The following PPAN variants were observed in gnomAD, a reference collection of about 807,000 sequenced individuals.
PPAN encodes the protein peter pan homolog.
Under a neutral mutation model 48.5 loss-of-function variants are expected in PPAN, and 39 were observed. That is an observed-to-expected ratio of 0.80 (90% CI 0.62 to 1.05). The LOEUF is 1.05. PPAN is among the 50% of genes least tolerant of loss of function. The probability of loss-of-function intolerance (pLI) is 0.00; values close to 1 mark genes in which losing one functional copy is unlikely to be tolerated. For synonymous variants in PPAN, 315 were observed against 268.6 expected, an observed-to-expected ratio of 1.17 and a Z score of -1.69; for missense variants, 736 against 661.7, an observed-to-expected ratio of 1.11 and a Z score of -1.23.
chr19:10,111,329 C>G lies in PPAN; in HGVS notation c.*164C>G. 1.1e-6 allele frequency: 1 copy of G among 917,816 alleles called. No homozygotes were observed. Among genetic ancestry groups the G allele is most frequent in the Middle Eastern group, 3.4e-4 (1 of 2,928 alleles). The allele number at this position is 917,816 out of a possible 1,614,324, so 56.9% of individuals were successfully genotyped here. On this transcript the variant is annotated 3_prime_UTR_variant, in exon 12 of 12. Coordinates refer to ENST00000253107, the MANE Select transcript of PPAN (RefSeq NM_020230.7). Reference sequence around the variant, plus strand: ...ACGTCAGCGTTTGGGATGGGGGATTCTGGAGCCATACAAAGCAACCCAGAG... The same window carrying G: ...ACGTCAGCGTTTGGGATGGGGGATTGTGGAGCCATACAAAGCAACCCAGAG...
chr19:10,111,740 G>A lies in PPAN; in HGVS notation c.*575G>A, dbSNP rs754274463. On this transcript the variant is annotated 3_prime_UTR_variant, in exon 12 of 12. Coordinates refer to ENST00000253107, the MANE Select transcript of PPAN (RefSeq NM_020230.7). Reference sequence around the variant, plus strand: ...CGGGAGCATGGCAGCCAACGTCTCGGGTAAGGAGAAGGCATGTTGGCTGTC... The same window carrying A: ...CGGGAGCATGGCAGCCAACGTCTCGAGTAAGGAGAAGGCATGTTGGCTGTC... The A allele has an allele frequency of 6.2e-6, 10 of 1,613,544 alleles. No homozygotes were observed. The highest frequency in any genetic ancestry group is 8.5e-6 in the Non-Finnish European group (10 of 1,179,816).
At chr19:10,106,865 A>T (rs2088849509) in intron 2 of PPAN, 194 bp downstream of exon 2, 5 of 906,352 alleles carry the variant, frequency 5.5e-6, no homozygotes, top group Non-Finnish European at 8.1e-6. Context: ...CTTGGGAGAT[A>T]GATAGTCGCC....
chr19:10,110,013 C>T lies in PPAN; in HGVS notation c.691C>T (p.Leu231=). 1.2e-6 allele frequency: 2 copies of T among 1,613,926 alleles called. No individual in the cohort carries two copies. Among genetic ancestry groups the T allele is most frequent in the South Asian group, 2.2e-5 (2 of 91,092 alleles). ...CCGCCTGCAGGACATCAGCGAGCTG[C>T]TGGCCACGTGAGGAGGGCATAGGGC... ...MSRLQDISEL[L]ATGAGLSESE... Residue 231 remains leucine (L), a synonymous_variant, in exon 7 of 12, where the codon CTG becomes TTG. Transcript: ENST00000253107. This position sits in a 1 kb window ranked among gnomAD's most constrained non-coding sequence, Gnocchi z 5.9.
rs1405386012 is a variant in PPAN at position 10,110,628 on chromosome 19, T to TGGGAA, written c.1031+18_1031+22dup. ...GGAGGCCCACAGGTCCAGGCAGAGC[T>TGGGAA]GGGAAGGGCAGGGCCAAGGGGGGGT... On this transcript the variant is annotated intron_variant, in intron 10 of 11. Transcript: ENST00000253107. This position sits in a 1 kb window ranked among gnomAD's most constrained non-coding sequence, Gnocchi z 5.9. 1 of 1,607,966 alleles carries TGGGAA rather than the reference T, an allele frequency of 6.2e-7. No individual in the cohort carries two copies. The highest frequency in any genetic ancestry group is 1.1e-5 in the South Asian group (1 of 90,768).
chr19:10,107,366 G>A, intron 2 of PPAN, 139 bp from the exon 3 acceptor site: 2 of 824,676 alleles, frequency 2.4e-6, no homozygotes, highest in East Asian at 2.7e-5. Flanking sequence ...GACTCTAAAG[G>A]CTAAGATCCT....
In PPAN at chr19:10,111,859, C is replaced by A; in HGVS notation, c.*694C>A. On this transcript the variant is annotated 3_prime_UTR_variant, in exon 12 of 12. Transcript: ENST00000253107. ...GGGCACGGTGGCTCACGCCTGTAAT[C>A]CCAGCACTTTGGGAGGTCGAGGGGG... 1 of 1,227,134 alleles carries A rather than the reference C, an allele frequency of 8.1e-7. No homozygotes were observed. The highest frequency in any genetic ancestry group is 1.2e-6 in the Non-Finnish European group (1 of 855,936). The allele number at this position is 1,227,134 out of a possible 1,614,324, so 76.0% of individuals were successfully genotyped here.
At chr19:10,109,003 C>T (rs2088944207) in intron 5 of PPAN, among the ~76,000 whole-genome samples, 1 of 150,628 alleles carries the variant, frequency 6.6e-6, no homozygotes, top group Non-Finnish European at 1.5e-5. Flanking sequence ...GCTCTGTCTC[C>T]CAGGCTGGAG....
rs752080721 is a variant in PPAN, at chr19:10,110,564, C to T, written c.981C>T (p.Ala327=). 1 of 1,604,950 alleles carries T rather than the reference C, an allele frequency of 6.2e-7. No individual in the cohort carries two copies. The highest frequency in any genetic ancestry group is 1.3e-5 in the African/African-American group (1 of 74,766). Residue 327 remains alanine, a synonymous_variant, in exon 10 of 12, where the codon GCC becomes GCT. Coordinates refer to ENST00000253107, the MANE Select transcript of PPAN (RefSeq NM_020230.7). The surrounding 1 kb of genome is among the most constrained non-coding windows in gnomAD (Gnocchi z 5.9). ...TGCGGCTGAAGGCGCAGAGGCAGGC[C>T]CAGCAGGCCCAGAATGTGCAGCGCA... ...KKLRLKAQRQ[A]QQAQNVQRKQ...
At chr19:10,106,923 A>C in intron 2 of PPAN, 1 of 665,218 alleles carries the variant, frequency 1.5e-6, no homozygotes, top group African/African-American at 1.8e-5. Context: ...GTGGTGGCTC[A>C]TGCCTGTATT....
At position 10,107,186 on chromosome 19, in the gene PPAN, G is replaced by GA. The variant is rs1330341716; in HGVS notation, c.190-310dup. 2.6e-3 allele frequency among the ~76,000 whole-genome samples: 399 copies of GA among 151,056 alleles called. 6 individuals are homozygous for GA. The highest frequency in any genetic ancestry group is 9.7e-4 in the East Asian group (5 of 5,158). ...TGGGCGACCGGAGGAGACCGTGTTA[G>GA]AAAAAAAAAGACTAGAATCTGGAGG... On this transcript the variant is annotated intron_variant, in intron 2 of 11. Coordinates refer to ENST00000253107, the MANE Select transcript of PPAN (RefSeq NM_020230.7).
In PPAN at chr19:10,111,126, A is replaced by C. The variant is rs769621307; in HGVS notation, c.1383A>C (p.Arg461=). 28 of 1,609,526 alleles carry C rather than the reference A, an allele frequency of 1.7e-5. No homozygotes were observed. Among genetic ancestry groups the C allele is most frequent in the Non-Finnish European group, 2.1e-5 (25 of 1,178,436 alleles). ...GAGGGGCTTCCCGGGATGGTGGGCG[A>C]GGCCGGGGCCGGGGCCGCCCAGGGA... The part of the protein sequence containing the change: ...GPRGASRDGG[R]GRGRGRPGKR... The change falls in exon 12 of 12, where the codon CGA becomes CGC. Residue 461 remains arginine (R), a synonymous_variant. Transcript: ENST00000253107.
chr19:10,106,522 C>G lies in PPAN; in HGVS notation c.40C>G (p.Arg14Gly). 1 of 1,552,900 alleles carries G rather than the reference C, an allele frequency of 6.4e-7. No homozygotes were observed. Among genetic ancestry groups the G allele is most frequent in the Non-Finnish European group, 8.7e-7 (1 of 1,148,220 alleles). Residue 14 changes from arginine (R) to glycine (G), a missense_variant, in exon 2 of 12, where the codon CGC (arginine) becomes GGC (glycine). Physicochemically the swap from Arg to Gly is moderately radical, Grantham distance 125. Transcript: ENST00000253107. The part of the protein sequence containing the change: ...SGRSRHQKRA[R>G]AQAQLRNLEA... ...GCAGTCCCGGCACCAGAAGCGCGCC[C>G]GCGCCCAGGCGCAGCTCCGCAACCT... is the stretch of plus-strand genomic sequence containing the variant.
rs2088972823 is a variant in PPAN at position 10,109,673 on chromosome 19, A to C, written c.556A>C (p.Asn186His). 6.2e-7 allele frequency: 1 copy of C among 1,613,910 alleles called. No individual in the cohort carries two copies. The change falls in exon 6 of 12, where the codon AAC becomes CAC. Residue 186 changes from asparagine (N) to histidine (H), a missense_variant. By Grantham distance (68) the Asn-to-His change is moderately conservative. Coordinates refer to ENST00000253107, the MANE Select transcript of PPAN (RefSeq NM_020230.7). ...CAAGCGCTGCCTCCTCATCGACTAC[A>C]ACCCCGACTCCCAGGAGCTGGACTT... ...TIKRCLLIDY[N>H]PDSQELDFRH...
Position 10,111,541 on chromosome 19 carries a change from C to A in PPAN, c.*376C>A. The A allele has an allele frequency of 1.4e-6, 1 of 722,536 alleles. No individual in the cohort carries two copies. The highest frequency in any genetic ancestry group is 2.4e-6 in the Non-Finnish European group (1 of 424,900). The allele number at this position is 722,536 out of a possible 1,614,324, so 44.8% of individuals were successfully genotyped here. ...CACACTTTCAGCAGATGAGCTTGAA[C>A]CTCAGGAGGGTTGTGGCACAATGAG... On this transcript the variant is annotated 3_prime_UTR_variant, in exon 12 of 12. Transcript: ENST00000253107.
In PPAN at chr19:10,110,482, CAGTG is replaced by C. The variant is rs1220325883; in HGVS notation, c.902_905del (p.Val301AlafsTer20). 8.1e-6 allele frequency: 13 copies of C among 1,612,472 alleles called. No individual in the cohort carries two copies. The highest frequency in any genetic ancestry group is 1.0e-5 in the Non-Finnish European group (12 of 1,179,730). On this transcript the variant is annotated splice_acceptor_variant and coding_sequence_variant, in exon 10 of 12. Transcript: ENST00000253107. LOFTEE classifies it high-confidence loss of function. This position sits in a 1 kb window ranked among gnomAD's most constrained non-coding sequence, Gnocchi z 5.9. ...TCTTGGTGACCCGCGTCTCTTGGCT[CAGTG>C]AGCAAGACGGAGGAGGAGCTGCAGG...
Position 10,107,958 on chromosome 19 carries a change from C to T in PPAN, c.343-6C>T. 6.2e-7 allele frequency: 1 copy of T among 1,605,274 alleles called. No individual in the cohort carries two copies. Among genetic ancestry groups the T allele is most frequent in the Non-Finnish European group, 8.5e-7 (1 of 1,174,248 alleles). On this transcript the variant is annotated splice_polypyrimidine_tract_variant and splice_region_variant and intron_variant, in intron 4 of 11. Transcript: ENST00000253107. ...TGGTCACCCCCTCCTCTCTCCTGTC[C>T]TACAGTACTCGCTGGTGCGTGATGT...
intron 5 of PPAN, 37 bp from the exon 6 acceptor site, chr19:10,109,594 G>A: frequency 6.3e-7 from 1 of 1,582,130 alleles, no homozygotes; most frequent in Non-Finnish European, 8.6e-7. Flanking sequence ...ACTTTGCCAT[G>A]AGTCTACTGG....
chr19:10,111,136 C>T lies in PPAN; in HGVS notation c.1393C>T (p.Arg465Trp), dbSNP rs752527023. The T allele has an allele frequency of 2.1e-5, 34 of 1,603,660 alleles. No individual in the cohort carries two copies. Among genetic ancestry groups the T allele is most frequent in the Non-Finnish European group, 2.5e-5 (29 of 1,176,220 alleles). ...ASRDGGRGRG[R>W]GRPGKRVA ...CCGGGATGGTGGGCGAGGCCGGGGCCGGGGCCGCCCAGGGAAGAGAGTGGC... is the reference window on the plus strand; with the variant it reads ...CCGGGATGGTGGGCGAGGCCGGGGCTGGGGCCGCCCAGGGAAGAGAGTGGC... The change falls in exon 12 of 12, where the codon CGG (arginine) becomes TGG (tryptophan). Residue 465 changes from arginine (R) to tryptophan (W), a missense_variant. Physicochemically the swap from Arg to Trp is moderately radical, Grantham distance 101. Coordinates refer to ENST00000253107, the MANE Select transcript of PPAN (RefSeq NM_020230.7).
At chr19:10,108,530 C>G (rs1971120226) in intron 5 of PPAN, among the ~76,000 whole-genome samples, 1 of 152,086 alleles carries the variant, frequency 6.6e-6, no homozygotes, top group African/African-American at 2.4e-5. Context: ...GGGAGGATCG[C>G]TTGAAGCCAA....
Sources: allele counts gnomAD v4.1 joint callset (sites outside exome capture counted in the v4.1 genomes callset), GRCh38; gene constraint gnomAD v4.1.1; non-coding constraint Gnocchi (gnomAD v3.1); transcripts MANE v1.5; gene names NCBI Gene and HGNC (gene_info 2026-07-23, HGNC 2026-07-21).